Variants in TACC2 observed in about 807,000 individuals in gnomAD.
TACC2 encodes the protein transforming acidic coiled-coil containing protein 2, also known as transforming acidic coiled-coil-containing protein 2.
In TACC2, 137 loss-of-function variants were observed where a neutral mutation model predicts 227.3. That is an observed-to-expected ratio of 0.60 (90% CI 0.52 to 0.69). TACC2 has a LOEUF of 0.69. TACC2 is among the 30% of genes least tolerant of loss of function. The probability of loss-of-function intolerance (pLI) is 0.00; values close to 1 mark genes in which losing one functional copy is unlikely to be tolerated. For synonymous variants in TACC2, 1,523 were observed against 1,487.5 expected (o/e 1.02, Z -0.55); for missense variants, 3,470 against 3,694.4 (o/e 0.94, Z 1.57).
At chr10:122,004,272 C>T (rs955015667) in intron 1 of TACC2, among the ~76,000 whole-genome samples, 4 of 151,888 alleles carry the variant, frequency 2.6e-5, no homozygotes, top group African/African-American at 7.3e-5. Context: ...GTGGTGGGCA[C>T]CTGTAGTCCC....
At chr10:122,144,107 T>C (rs1000431561) in intron 7 of TACC2, among the ~76,000 whole-genome samples, 7 of 151,912 alleles carry the variant, frequency 4.6e-5, no homozygotes, top group Non-Finnish European at 7.4e-5. Flanking sequence ...GGCTGGAGAG[T>C]AGGGAAGAGT....
chr10:122,090,888 T>G (rs907741640), intron 5 of TACC2, among the ~76,000 whole-genome samples: 2 of 152,228 alleles, frequency 1.3e-5, no homozygotes, highest in African/African-American at 4.8e-5. Context: ...ACTACAGGTG[T>G]GCACCACCAT....
At chr10:122,206,881 C>G (rs1025884720) in intron 8 of TACC2, among the ~76,000 whole-genome samples, 2 of 152,186 alleles carry the variant, frequency 1.3e-5, no homozygotes, top group Non-Finnish European at 2.9e-5. Context: ...GGCACACCCC[C>G]CAGTGGCTGA....
chr10:122,057,760 A>G (rs2076354010), intron 3 of TACC2, among the ~76,000 whole-genome samples: 1 of 152,100 alleles, frequency 6.6e-6, no homozygotes, highest in African/African-American at 2.4e-5. Context: ...CAGGAGGTGG[A>G]GGTTGGGGTG....
At chr10:122,215,327 T>C in intron 9 of TACC2, 64 bp from the exon 10 acceptor site, 1 of 1,456,512 alleles carries the variant, frequency 6.9e-7, no homozygotes, top group Non-Finnish European at 9.6e-7. Flanking sequence ...CGGTCCGCTC[T>C]GTACTGCTCT....
In TACC2 at chr10:122,205,946, T is replaced by C. The variant is rs2095090260; in HGVS notation, c.5972-4451T>C. ...TAACTGAAGATTACTATTTGTGTAC[T>C]TAGAAGATACAAAGCCATGCTCTCT... On this transcript the variant is annotated intron_variant, in intron 8 of 22. Transcript: ENST00000369005. This position sits in a 1 kb window ranked among gnomAD's most constrained non-coding sequence, Gnocchi z 4.5. 1.3e-5 allele frequency among the ~76,000 whole-genome samples: 2 copies of C among 152,364 alleles called. No individual in the cohort carries two copies. The highest frequency in any genetic ancestry group is 1.5e-5 in the Non-Finnish European group (1 of 68,030).
intron 7 of TACC2, chr10:122,163,475 C>A: frequency 2.7e-6 from 2 of 749,480 alleles, no homozygotes; most frequent in Non-Finnish European, 3.3e-6. Context: ...GGAGGGTCTT[C>A]GCCTCCCCAC....
chr10:122,032,297 G>C (rs187656432), intron 2 of TACC2, among the ~76,000 whole-genome samples: 1 of 152,026 alleles, frequency 6.6e-6, no homozygotes. Context: ...CTCACACCTG[G>C]ATCACTGGGA....
At chr10:122,020,486 T>G (rs1957198392) in intron 1 of TACC2, among the ~76,000 whole-genome samples, 1 of 152,216 alleles carries the variant, frequency 6.6e-6, no homozygotes, top group African/African-American at 2.4e-5. Context: ...ACTTCCATTT[T>G]ATTTTCCAGT....
chr10:122,176,682 G>A (rs1756435221), intron 7 of TACC2, among the ~76,000 whole-genome samples: 1 of 152,242 alleles, frequency 6.6e-6, no homozygotes, highest in African/African-American at 2.4e-5. Context: ...ATTTGAATGA[G>A]ATTAGTCACA....
intron 5 of TACC2, among the ~76,000 whole-genome samples, chr10:122,103,324 G>A (rs1182272706): frequency 6.6e-6 from 1 of 152,166 alleles, no homozygotes; most frequent in African/African-American, 2.4e-5. Context: ...GCACTGCTCA[G>A]TGTGGCCTCC....
intron 3 of TACC2, among the ~76,000 whole-genome samples, chr10:122,058,139 G>A (rs7894692): frequency 0.18 from 27,549 of 152,160 alleles, 2,589 homozygotes; most frequent in East Asian, 0.32. Context: ...CCTAATTTTA[G>A]CGCATTTAAA....
At chr10:122,193,184 T>A (rs1337362823) in intron 7 of TACC2, among the ~76,000 whole-genome samples, 1 of 152,232 alleles carries the variant, frequency 6.6e-6, no homozygotes, top group Non-Finnish European at 1.5e-5. Context: ...GCAGCTATGA[T>A]GTTTCTTTTA....
At chr10:122,071,748 G>T (rs1003471909) in intron 3 of TACC2, among the ~76,000 whole-genome samples, 1 of 148,774 alleles carries the variant, frequency 6.7e-6, no homozygotes, top group Non-Finnish European at 1.5e-5. Flanking sequence ...TGATCTGGGC[G>T]TGGTGACGGG....
intron 1 of TACC2, among the ~76,000 whole-genome samples, chr10:122,000,246 G>A (rs185991822): frequency 1.1e-3 from 161 of 152,306 alleles, no homozygotes; most frequent in Non-Finnish European, 1.8e-3. Flanking sequence ...AGGCTTGGTG[G>A]TGGGTGCCTG....
At chr10:121,993,704 C>CA (rs2134867779) in intron 1 of TACC2, among the ~76,000 whole-genome samples, 1 of 152,312 alleles carries the variant, frequency 6.6e-6, no homozygotes, top group Non-Finnish European at 1.5e-5. Flanking sequence ...CAGCTCACCG[C>CA]AACCTCAACC....
At chr10:122,040,494 A>G (rs2074117204) in intron 2 of TACC2, among the ~76,000 whole-genome samples, 1 of 152,168 alleles carries the variant, frequency 6.6e-6, no homozygotes, top group Non-Finnish European at 1.5e-5. Context: ...GGAGAGCCCT[A>G]CAGGGGACAT....
intron 3 of TACC2, among the ~76,000 whole-genome samples, chr10:122,061,346 G>C (rs149833499): frequency 9.7e-4 from 147 of 151,018 alleles, no homozygotes; most frequent in African/African-American, 3.5e-3. Context: ...TGAAGCTTTG[G>C]CTTGAGTGAC....
Position 122,216,842 on chromosome 10 carries a change from T to C in TACC2, c.7546+14T>C, listed in dbSNP as rs763964743. The stretch of plus-strand genomic sequence containing the variant: ...CACCCACTGAGGGTAAGCAACTCTG[T>C]AGCCAGCTGGACCCCCACTCTGCCT... On this transcript the variant is annotated intron_variant, in intron 11 of 22. Transcript: ENST00000369005. The C allele has an allele frequency of 1.9e-6, 3 of 1,614,000 alleles. No homozygotes were observed. The highest frequency in any genetic ancestry group is 1.1e-5 in the South Asian group (1 of 91,082).
Sources: allele counts gnomAD v4.1 joint callset (sites outside exome capture counted in the v4.1 genomes callset), GRCh38; gene constraint gnomAD v4.1.1; non-coding constraint Gnocchi (gnomAD v3.1); transcripts MANE v1.5; gene names NCBI Gene and HGNC (gene_info 2026-07-23, HGNC 2026-07-21).